Variants in LRRC74A observed in about 807,000 individuals in gnomAD.
The protein encoded by LRRC74A is leucine-rich repeat-containing protein 74A.
LRRC74A carries 44 observed loss-of-function variants against 57.9 expected under a neutral mutation model. That is an observed-to-expected ratio of 0.76 (90% CI 0.60 to 0.98). The LOEUF is 0.98. LRRC74A is among the 50% of genes least tolerant of loss of function. The probability of loss-of-function intolerance (pLI) is 0.00; values close to 1 mark genes in which losing one functional copy is unlikely to be tolerated. For missense variants in LRRC74A, 572 were observed against 574.0 expected (o/e 1.00, Z 0.04); for synonymous variants, 211 against 219.4 (o/e 0.96, Z 0.34).
intron 5 of LRRC74A, among the ~76,000 whole-genome samples, chr14:76,843,588 G>A (rs1423434504): frequency 1.3e-5 from 2 of 152,160 alleles, no homozygotes; most frequent in African/African-American, 4.8e-5. Flanking sequence ...TCATGGCAGA[G>A]AGAAAAGGCA....
Position 76,860,740 on chromosome 14 carries a change from T to G in LRRC74A, c.1101T>G (p.Tyr367Ter). 1 of 1,612,044 alleles carries G rather than the reference T, an allele frequency of 6.2e-7. No individual in the cohort carries two copies. Residue 367 changes from tyrosine (Y) to a stop codon, truncating the protein, a stop_gained, in exon 11 of 14, where the codon TAT becomes TAG. Coordinates refer to ENST00000689127, the MANE Select transcript of LRRC74A (RefSeq NM_001385106.1). LOFTEE classifies it high-confidence loss of function. ...EQFMKTLDGV[Y>*]AVHPQLDVVF... ...TCATGAAAACGTTGGACGGAGTGTATGCCGTTCACCCGCAGCTGGACGTGG... is the reference window on the plus strand; with the variant it reads ...TCATGAAAACGTTGGACGGAGTGTAGGCCGTTCACCCGCAGCTGGACGTGG...
intron 11 of LRRC74A, among the ~76,000 whole-genome samples, chr14:76,862,808 C>A (rs778013602): frequency 6.6e-6 from 1 of 152,106 alleles, no homozygotes; most frequent in Non-Finnish European, 1.5e-5. Context: ...ACACATGACT[C>A]CAGGTTCATA....
In LRRC74A at chr14:76,826,631, G is replaced by T. The variant is rs761465229; in HGVS notation, c.-67G>T. The T allele has an allele frequency of 1.2e-6, 2 of 1,610,394 alleles. No individual in the cohort carries two copies. The highest frequency in any genetic ancestry group is 1.7e-6 in the Non-Finnish European group (2 of 1,178,524). ...GAGACAGAGGTGAATGGACAGGTGT[G>T]CTTCTTAGGGAAGCAGTCGAGAGGT... On this transcript the variant is annotated 5_prime_UTR_variant, in exon 1 of 14. Transcript: ENST00000689127.
In LRRC74A at chr14:76,826,576, GC is replaced by G. The variant is rs1267304392; in HGVS notation, c.-117del. 2 of 1,612,814 alleles carry G rather than the reference GC, an allele frequency of 1.2e-6. No individual in the cohort carries two copies. Among genetic ancestry groups the G allele is most frequent in the South Asian group, 1.1e-5 (1 of 90,760 alleles). ...GGATAACTGCAGGCTCCCCTGGGAT[GC>G]CCCCAGGTGAGGGAAGTTCACAGAG... On this transcript the variant is annotated 5_prime_UTR_variant, in exon 1 of 14. An upstream open reading frame in the 5' UTR gains an earlier in-frame stop. Transcript: ENST00000689127.
chr14:76,836,190 C>G lies in LRRC74A; in HGVS notation c.340-17C>G. 6.3e-7 allele frequency: 1 copy of G among 1,590,578 alleles called. No individual in the cohort carries two copies. On this transcript the variant is annotated splice_polypyrimidine_tract_variant and intron_variant, in intron 3 of 13. Coordinates refer to ENST00000689127, the MANE Select transcript of LRRC74A (RefSeq NM_001385106.1). ...ACCACTTCTGTGTCTCTCTCCCTCC[C>G]CTTGTGCTGGCTGAAGTCCAACATG...
intron 5 of LRRC74A, among the ~76,000 whole-genome samples, chr14:76,839,119 A>C (rs1896573686): frequency 6.6e-6 from 1 of 152,208 alleles, no homozygotes; most frequent in Non-Finnish European, 1.5e-5. Flanking sequence ...AGTCATTTCT[A>C]ATTTTGCCTT....
intron 5 of LRRC74A, among the ~76,000 whole-genome samples, chr14:76,840,101 T>C (rs1200318054): frequency 6.6e-6 from 1 of 152,202 alleles, no homozygotes; most frequent in Non-Finnish European, 1.5e-5. Flanking sequence ...TTTTCCTTTA[T>C]GTATTTAATT....
intron 10 of LRRC74A, among the ~76,000 whole-genome samples, chr14:76,858,783 T>C (rs1566740086): frequency 6.6e-6 from 1 of 151,936 alleles, no homozygotes; most frequent in Non-Finnish European, 1.5e-5. Flanking sequence ...GAGATGGGGT[T>C]TCACCATTTT....
In LRRC74A at chr14:76,837,950, A is replaced by G. The variant is rs1896481420; in HGVS notation, c.523A>G (p.Ile175Val). The G allele has an allele frequency of 6.3e-7, 1 of 1,577,840 alleles. No homozygotes were observed. Among genetic ancestry groups the G allele is most frequent in the Non-Finnish European group, 8.6e-7 (1 of 1,159,652 alleles). Residue 175 changes from isoleucine (I) to valine (V), a missense_variant, in exon 5 of 14, where the codon ATC becomes GTC. Transcript: ENST00000689127. ...TTTCTTTGAGAGAAACAGTTCTTCTATCTGGAGCCTTGAGCTTTCAGGTGA... is the reference window on the plus strand; with the variant it reads ...TTTCTTTGAGAGAAACAGTTCTTCTGTCTGGAGCCTTGAGCTTTCAGGTGA... ...SDFFERNSSS[I>V]WSLELSGNDF...
At chr14:76,840,793 C>T (rs184659656) in intron 5 of LRRC74A, among the ~76,000 whole-genome samples, 2 of 151,900 alleles carry the variant, frequency 1.3e-5, no homozygotes, top group African/African-American at 2.4e-5. Flanking sequence ...CCGTGTTAGC[C>T]AGGATGGTCT....
chr14:76,844,781 G>A (rs1285626766), intron 6 of LRRC74A, 39 bp from the exon 7 acceptor site: 1 of 1,140,072 alleles, frequency 8.8e-7, no homozygotes, highest in African/African-American at 1.5e-5. Context: ...GCAATCAGAA[G>A]ACAAAAAATC....
intron 9 of LRRC74A, among the ~76,000 whole-genome samples, chr14:76,855,586 G>A (rs138693347): frequency 0.01 from 1,526 of 152,296 alleles, 13 homozygotes; most frequent in Middle Eastern, 0.027. Context: ...AATTATCTAT[G>A]GGTCTCCACA....
At chr14:76,827,542 G>C (rs574523133) in intron 1 of LRRC74A, among the ~76,000 whole-genome samples, 2 of 152,178 alleles carry the variant, frequency 1.3e-5, no homozygotes, top group African/African-American at 4.8e-5. Flanking sequence ...TGGCTTTCAG[G>C]AGCCTATGGC....
intron 3 of LRRC74A, among the ~76,000 whole-genome samples, chr14:76,834,511 T>A (rs1896182225): frequency 1.3e-5 from 2 of 152,204 alleles, no homozygotes; most frequent in Admixed American, 1.3e-4. Context: ...CTGGCCTAGA[T>A]TAGGAGCACG....
In LRRC74A at chr14:76,870,183, G is replaced by T. The variant is rs2140322306; in HGVS notation, c.*34G>T. 1 of 1,603,182 alleles carries T rather than the reference G, an allele frequency of 6.2e-7. No individual in the cohort carries two copies. The highest frequency in any genetic ancestry group is 8.5e-7 in the Non-Finnish European group (1 of 1,174,638). ...CTGGTCTAGAAAGAAGTCTCGGCGA[G>T]AGGAGTCCTCGCAAGTCGGATGGTG... is the stretch of plus-strand genomic sequence containing the variant. On this transcript the variant is annotated 3_prime_UTR_variant, in exon 14 of 14. Transcript: ENST00000689127.
Position 76,844,888 on chromosome 14 carries a change from G to A in LRRC74A, c.663G>A (p.Leu221=), listed in dbSNP as rs376486834. Reference sequence around the variant, plus strand: ...TCTCTGATGTAGGAGGGGAGCACCTGGGCCAGATGCTGGGTGAGTCTCCCT... The same window carrying A: ...TCTCTGATGTAGGAGGGGAGCACCTAGGCCAGATGCTGGGTGAGTCTCCCT... ...NQFSDVGGEH[L]GQMLAINVGL... is the part of the protein sequence containing the mutation. Residue 221 remains leucine, a synonymous_variant, in exon 7 of 14, where the codon CTG becomes CTA. Coordinates refer to ENST00000689127, the MANE Select transcript of LRRC74A (RefSeq NM_001385106.1). 6.3e-7 allele frequency: 1 copy of A among 1,576,478 alleles called. No individual in the cohort carries two copies. Among genetic ancestry groups the A allele is most frequent in the East Asian group, 2.2e-5 (1 of 44,696 alleles).
At chr14:76,840,584 C>CT (rs34388699) in intron 5 of LRRC74A, among the ~76,000 whole-genome samples, 20,324 of 129,928 alleles carry the variant, frequency 0.16, 2,163 homozygotes, top group Non-Finnish European at 0.21. Flanking sequence ...TTATGTATTT[C>CT]TTTTTTTTTT....
chr14:76,829,916 G>A (rs574802748), intron 2 of LRRC74A, among the ~76,000 whole-genome samples: 15 of 152,280 alleles, frequency 9.9e-5, no homozygotes, highest in African/African-American at 3.1e-4. Context: ...CACTTGCCAT[G>A]AGCTGTTTTT....
At chr14:76,858,534 A>G (rs1449911283) in intron 10 of LRRC74A, among the ~76,000 whole-genome samples, 2 of 152,144 alleles carry the variant, frequency 1.3e-5, no homozygotes, top group Non-Finnish European at 2.9e-5. Context: ...GAACTCCAAC[A>G]TCTTTTTTTG....
Sources: gnomAD v4.1 joint callset for allele counts (sites outside exome capture counted in the v4.1 genomes callset) on GRCh38, gnomAD v4.1.1 for gene constraint, MANE v1.5 for transcripts, NCBI Gene and HGNC (gene_info 2026-07-23, HGNC 2026-07-21) for gene names.